The following EVL variants were observed in gnomAD, a reference collection of about 807,000 sequenced individuals.
EVL encodes Enah/Vasp-like.
EVL carries 21 observed loss-of-function variants against 59.6 expected under a neutral mutation model. The ratio of observed to expected loss-of-function variants is 0.35; its 90% confidence interval spans 0.25 to 0.51. The LOEUF is 0.51. Ranked by LOEUF, EVL falls within the 20% of genes least tolerant of loss-of-function variation. EVL has a pLI of 0.97. For missense variants in EVL, 462 were observed against 546.6 expected (o/e 0.85, Z 1.54); for synonymous variants, 198 against 203.5 (o/e 0.97, Z 0.23).
At chr14:100,047,084 C>G (rs995335685) in intron 1 of EVL, among the ~76,000 whole-genome samples, 1 of 139,972 alleles carries the variant, frequency 7.1e-6, no homozygotes, top group African/African-American at 2.6e-5. Context: ...AGTTTTGCAG[C>G]CAATATTTTG....
At chr14:100,015,813 G>A (rs555558503) in intron 1 of EVL, among the ~76,000 whole-genome samples, 2 of 152,352 alleles carry the variant, frequency 1.3e-5, no homozygotes, top group African/African-American at 4.8e-5. Flanking sequence ...GCTCATGCCT[G>A]TAATCCCAGC....
chr14:99,971,627 G>T (rs151041779), exon 1 of EVL: 2,249 of 150,458 alleles, frequency 0.015, 25 homozygotes, highest in Non-Finnish European at 0.024. Flanking sequence ...GCGCCCGCGC[G>T]CCTCTCCCTC....
At chr14:100,136,056 C>A in intron 9 of EVL, 88 bp downstream of exon 9, 11 of 1,455,896 alleles carry the variant, frequency 7.6e-6, no homozygotes, top group Non-Finnish European at 1.1e-5. Flanking sequence ...TCTGATCCAG[C>A]CTCTTTAGTA....
At chr14:100,012,014 T>A (rs1374493891) in intron 1 of EVL, among the ~76,000 whole-genome samples, 1 of 152,136 alleles carries the variant, frequency 6.6e-6, no homozygotes, top group Admixed American at 6.5e-5. Flanking sequence ...ACAGATAAAG[T>A]GTTTTGCCAA....
At position 100,035,570 on chromosome 14, in the gene EVL, T is replaced by G. The variant is rs920796647; in HGVS notation, c.6-49117T>G. Among the ~76,000 whole-genome samples, 13 of 152,088 alleles carry G rather than the reference T, an allele frequency of 8.5e-5. 1 individual carries two copies. The highest frequency in any genetic ancestry group is 3.1e-4 in the African/African-American group (13 of 41,408). On this transcript the variant is annotated intron_variant, in intron 1 of 13. Coordinates refer to the EVL transcript ENST00000402714. ...TGGGGAGAGCGCTGAGATGTACAGG[T>G]GCGTCATTTACCCTCTTTGAGACAT...
At chr14:100,062,913 C>T (rs139061572), upstream of EVL, among the ~76,000 whole-genome samples, 2 of 152,228 alleles carry the variant, frequency 1.3e-5, no homozygotes, top group East Asian at 3.9e-4. Flanking sequence ...GGAAACATAG[C>T]AAGACCCCAT....
Position 100,039,869 on chromosome 14 carries a change from C to A in EVL, c.6-44818C>A, listed in dbSNP as rs147138855. 2.2e-4 allele frequency among the ~76,000 whole-genome samples: 33 copies of A among 152,218 alleles called. No homozygotes were observed. In the East Asian group the frequency reaches 6.0e-3, roughly 28 times the overall value. On this transcript the variant is annotated intron_variant, in intron 1 of 13. Transcript: ENST00000402714. Reference sequence around the variant, plus strand: ...GACGCGATCATGGGTGTCACGACCTCCTGGGTTCAAGTGATCCTCTCACCT... The same window carrying A: ...GACGCGATCATGGGTGTCACGACCTACTGGGTTCAAGTGATCCTCTCACCT...
At chr14:100,123,674 G>T in intron 4 of EVL, 72 bp downstream of exon 4, 1 of 1,504,808 alleles carries the variant, frequency 6.6e-7, no homozygotes, top group Admixed American at 1.7e-5. Flanking sequence ...TGCCTTCAGC[G>T]GGTGAGGATG....
At chr14:100,029,631 A>G (rs180764811) in intron 1 of EVL, among the ~76,000 whole-genome samples, 1 of 152,248 alleles carries the variant, frequency 6.6e-6, no homozygotes, top group Admixed American at 6.5e-5. Flanking sequence ...TTTGCTGTAT[A>G]AAAGTTAAAA....
chr14:100,029,503 G>A (rs2140215127), intron 1 of EVL, among the ~76,000 whole-genome samples: 1 of 152,308 alleles, frequency 6.6e-6, no homozygotes, highest in East Asian at 1.9e-4. Context: ...CAAGAGGTGT[G>A]GAACAGACAG....
At chr14:99,971,743 C>G (rs1193124855) in exon 1 of EVL, 1 of 144,232 alleles carries the variant, frequency 6.9e-6, no homozygotes, top group African/African-American at 2.5e-5. Context: ...CGCCCCCCGC[C>G]CCCCCATCCC....
Position 100,109,173 on chromosome 14 carries a change from A to T in EVL, c.358+11515A>T, listed in dbSNP as rs1886779399. 6.6e-6 allele frequency among the ~76,000 whole-genome samples: 1 copy of T among 151,596 alleles called. No homozygotes were observed. The highest frequency in any genetic ancestry group is 1.5e-5 in the Non-Finnish European group (1 of 67,898). On this transcript the variant is annotated intron_variant, in intron 3 of 13. Transcript: ENST00000392920. This position sits in a 1 kb window ranked among gnomAD's most constrained non-coding sequence, Gnocchi z 4.3. ...ATATTCTCACCGTCTCTCCCCTGAC[A>T]CTCTCTCCCCTGAAGTGTTGTAATG...
intron 3 of EVL, among the ~76,000 whole-genome samples, chr14:100,099,238 G>C (rs934300092): frequency 6.6e-6 from 1 of 151,448 alleles, no homozygotes; most frequent in African/African-American, 2.4e-5. Context: ...TGGAGCTTTA[G>C]GACCCAGTTT....
intron 1 of EVL, among the ~76,000 whole-genome samples, chr14:100,060,286 C>A (rs975244925): frequency 3.9e-5 from 6 of 151,904 alleles, no homozygotes; most frequent in Non-Finnish European, 8.8e-5. Context: ...AAAAAATTAG[C>A]CGGGCGTGGT....
At chr14:99,975,720 A>G (rs1450464858) in intron 1 of EVL, among the ~76,000 whole-genome samples, 2 of 152,220 alleles carry the variant, frequency 1.3e-5, no homozygotes, top group African/African-American at 4.8e-5. Flanking sequence ...GGCAGACTGC[A>G]GGCAGTAATG....
intron 1 of EVL, among the ~76,000 whole-genome samples, chr14:99,974,107 A>G (rs2060753758): frequency 6.6e-6 from 1 of 152,132 alleles, no homozygotes; most frequent in Non-Finnish European, 1.5e-5. Flanking sequence ...AGTTTTATTG[A>G]GATATAATTC....
At chr14:100,061,224 T>C (rs2061823018), upstream of EVL, among the ~76,000 whole-genome samples, 1 of 151,170 alleles carries the variant, frequency 6.6e-6, no homozygotes, top group Non-Finnish European at 1.5e-5. Context: ...AACCCTTCTC[T>C]ACAAAAAATA....
At chr14:100,053,722 T>C (rs192009291) in intron 1 of EVL, among the ~76,000 whole-genome samples, 165 of 152,278 alleles carry the variant, frequency 1.1e-3, no homozygotes, top group Non-Finnish European at 1.4e-3. Flanking sequence ...TTATCTAGTT[T>C]TTATATATTT....
intron 1 of EVL, among the ~76,000 whole-genome samples, chr14:100,003,894 T>G (rs191353829): frequency 3.0e-4 from 46 of 152,278 alleles, no homozygotes; most frequent in African/African-American, 9.1e-4. Context: ...AAGAAAACAT[T>G]CCTTTTAGAC....
Sources: allele counts gnomAD v4.1 joint callset (sites outside exome capture counted in the v4.1 genomes callset), GRCh38; gene constraint gnomAD v4.1.1; non-coding constraint Gnocchi (gnomAD v3.1); transcripts MANE v1.5; gene names NCBI Gene and HGNC (gene_info 2026-07-23, HGNC 2026-07-21).